The following TGM4 variants were observed in gnomAD, a reference collection of about 807,000 sequenced individuals.
TGM4 encodes transglutaminase 4, also known as protein-glutamine gamma-glutamyltransferase 4.
Under a neutral mutation model 76.3 loss-of-function variants are expected in TGM4, and 61 were observed. That is an observed-to-expected ratio of 0.80 (90% CI 0.65 to 0.99). The LOEUF (loss-of-function observed/expected upper bound fraction) is 0.99, where lower values mean the gene tolerates loss of function less well. Among genes scored for constraint, TGM4 ranks in the 50% least tolerant of loss-of-function variants. The probability of loss-of-function intolerance (pLI) is 0.00; values close to 1 mark genes in which losing one functional copy is unlikely to be tolerated. For missense variants in TGM4, 794 were observed against 843.2 expected (o/e 0.94, Z 0.72); for synonymous variants, 337 against 329.8 (o/e 1.02, Z -0.24).
rs1004900426 is a variant in TGM4 at position 44,904,843 on chromosome 3, G to A, written c.1075+856G>A. On this transcript the variant is annotated intron_variant, in intron 9 of 13. Coordinates refer to ENST00000296125, the MANE Select transcript of TGM4 (RefSeq NM_003241.4). ...ACTACAGGTGCACACCACCATGCCTGGCTAATTTTTACATTTTTAGTAGAG... is the reference window on the plus strand; with the variant it reads ...ACTACAGGTGCACACCACCATGCCTAGCTAATTTTTACATTTTTAGTAGAG... Among the ~76,000 whole-genome samples the A allele has an allele frequency of 2.0e-5, 3 of 151,772 alleles. No homozygotes were observed. The South Asian group carries it at 6.2e-4, about 32-fold the overall frequency.
At chr3:44,875,332 C>A (rs1559606481) in intron 1 of TGM4, among the ~76,000 whole-genome samples, 1 of 152,230 alleles carries the variant, frequency 6.6e-6, no homozygotes, top group Non-Finnish European at 1.5e-5. Context: ...GTGACTTCAA[C>A]ACTTTTGAAG....
chr3:44,895,839 G>A (rs778740656), intron 5 of TGM4, among the ~76,000 whole-genome samples: 2 of 152,098 alleles, frequency 1.3e-5, no homozygotes, highest in Non-Finnish European at 2.9e-5. Flanking sequence ...ATCCAGTTTA[G>A]ATGGTAAATT....
chr3:44,886,815 A>G (rs1206129118), intron 2 of TGM4, among the ~76,000 whole-genome samples: 1 of 152,228 alleles, frequency 6.6e-6, no homozygotes, highest in Non-Finnish European at 1.5e-5. Context: ...TAAACAAACA[A>G]AAGTGCAAGA....
chr3:44,904,233 G>A (rs1295358587), intron 9 of TGM4, among the ~76,000 whole-genome samples: 1 of 108,490 alleles, frequency 9.2e-6, no homozygotes, highest in African/African-American at 2.8e-5. Flanking sequence ...GGCACTTAAG[G>A]GTTCCCTACT....
intron 1 of TGM4, among the ~76,000 whole-genome samples, chr3:44,876,196 C>G (rs150970048): frequency 2.4e-3 from 360 of 152,342 alleles, no homozygotes; most frequent in East Asian, 8.7e-3. Context: ...ACTATGCTGC[C>G]TCCCTGCTGG....
chr3:44,909,253 G>T (rs752282402), intron 10 of TGM4, among the ~76,000 whole-genome samples: 4 of 152,206 alleles, frequency 2.6e-5, no homozygotes, highest in Non-Finnish European at 4.4e-5. Context: ...TCAGTTAGAG[G>T]TGAGAGCCTT....
chr3:44,905,696 C>G (rs555399703), intron 9 of TGM4, among the ~76,000 whole-genome samples: 3 of 152,320 alleles, frequency 2.0e-5, no homozygotes, highest in African/African-American at 7.2e-5. Context: ...CCACATGGCC[C>G]TGAAGGCAAA....
intron 4 of TGM4, among the ~76,000 whole-genome samples, chr3:44,892,510 A>G (rs901348632): frequency 3.3e-4 from 50 of 151,766 alleles, no homozygotes; most frequent in African/African-American, 1.2e-3. Flanking sequence ...AGCTGGGATT[A>G]CAGGCACATG....
At chr3:44,901,288 T>C (rs1699848952) in intron 6 of TGM4, among the ~76,000 whole-genome samples, 1 of 152,178 alleles carries the variant, frequency 6.6e-6, no homozygotes, top group African/African-American at 2.4e-5. Context: ...ATGATCATCA[T>C]TTTACAAGGG....
At chr3:44,893,556 G>A in intron 4 of TGM4, 21 bp from the exon 5 acceptor site, 5 of 1,598,724 alleles carry the variant, frequency 3.1e-6, no homozygotes, top group Non-Finnish European at 4.3e-6. Context: ...TAACCTCTGT[G>A]GATGTGTGGT....
At chr3:44,904,057 C>T in intron 9 of TGM4, 70 bp downstream of exon 9, 3 of 1,371,780 alleles carry the variant, frequency 2.2e-6, no homozygotes, top group Non-Finnish European at 3.1e-6. Flanking sequence ...TTCTGTGGGT[C>T]TTGGGTATGC....
chr3:44,902,036 A>G, intron 8 of TGM4, 105 bp downstream of exon 8: 1 of 1,399,548 alleles, frequency 7.1e-7, no homozygotes, highest in Non-Finnish European at 9.7e-7. Context: ...CTGGTCTTGA[A>G]CTGGTGTCAA....
At chr3:44,874,959 A>G (rs1405254976) in intron 1 of TGM4, among the ~76,000 whole-genome samples, 2 of 152,262 alleles carry the variant, frequency 1.3e-5, no homozygotes, top group African/African-American at 4.8e-5. Context: ...CTAAATTATT[A>G]CTGCATTTGC....
rs551271028 is a variant in TGM4, at chr3:44,901,757, C to T, written c.833-36C>T. ...TCCCAAGGGAGGGACTCCCAGCCCC[C>T]ACAGTTGCCAACCACCCCACCCTGG... On this transcript the variant is annotated intron_variant, in intron 7 of 13. Coordinates refer to ENST00000296125, the MANE Select transcript of TGM4 (RefSeq NM_003241.4). 92 of 1,613,074 alleles carry T rather than the reference C, an allele frequency of 5.7e-5. No homozygotes were observed. The Middle Eastern group carries it at 8.3e-4, about 14-fold the overall frequency.
chr3:44,882,057 C>CTTTTTTTTTTTTTTTTTT (rs60542332), intron 1 of TGM4, among the ~76,000 whole-genome samples: 1 of 104,620 alleles, frequency 9.6e-6, no homozygotes, highest in East Asian at 3.4e-4. Context: ...AATACAAACG[C>CTTTTTTTTTTTTTTTTTT]TTTTTTTTTT....
chr3:44,881,901 T>C (rs186129966), intron 1 of TGM4, among the ~76,000 whole-genome samples: 3 of 152,300 alleles, frequency 2.0e-5, no homozygotes, highest in East Asian at 3.9e-4. Flanking sequence ...AACCCACACA[T>C]TGGTGGCAAG....
intron 4 of TGM4, among the ~76,000 whole-genome samples, chr3:44,891,287 C>T (rs182920568): frequency 3.9e-5 from 6 of 152,334 alleles, no homozygotes; most frequent in Non-Finnish European, 7.3e-5. Flanking sequence ...ACCCTTTCCA[C>T]ACCTGCCCTC....
At chr3:44,892,519 T>C (rs1424371613) in intron 4 of TGM4, among the ~76,000 whole-genome samples, 1 of 151,732 alleles carries the variant, frequency 6.6e-6, no homozygotes, top group East Asian at 2.0e-4. Context: ...TACAGGCACA[T>C]GCCACCACAC....
chr3:44,908,810 T>C (rs909975162), intron 10 of TGM4, among the ~76,000 whole-genome samples: 7 of 152,302 alleles, frequency 4.6e-5, no homozygotes, highest in African/African-American at 1.4e-4. Context: ...AGGGCTTCCT[T>C]AGGGACAGTT....
Sources: allele counts gnomAD v4.1 joint callset (sites outside exome capture counted in the v4.1 genomes callset), GRCh38; gene constraint gnomAD v4.1.1; transcripts MANE v1.5; gene names NCBI Gene and HGNC (gene_info 2026-07-23, HGNC 2026-07-21).